Variants in EMC8 observed in about 807,000 individuals in gnomAD.
The protein encoded by EMC8 is COX4 neighbor.
EMC8 carries 11 observed loss-of-function variants against 24.3 expected under a neutral mutation model. That is an observed-to-expected ratio of 0.45 (90% CI 0.28 to 0.75). The LOEUF (loss-of-function observed/expected upper bound fraction) is 0.75. Ranked by LOEUF, EMC8 falls within the 30% of genes least tolerant of loss-of-function variation. The pLI, the probability that EMC8 is intolerant of heterozygous loss-of-function variation, is 0.12. For synonymous variants in EMC8, 145 were observed against 117.7 expected, an observed-to-expected ratio of 1.23 and a Z score of -1.50; for missense variants, 277 against 282.7, an observed-to-expected ratio of 0.98 and a Z score of 0.14.
At chr16:85,793,305 T>C (rs1905094288) in intron 1 of EMC8, among the ~76,000 whole-genome samples, 2 of 152,364 alleles carry the variant, frequency 1.3e-5, no homozygotes, top group South Asian at 4.1e-4. Context: ...GGTAACCTGC[T>C]GAGCCTTCCT....
At chr16:85,786,298 T>A (rs910749573) in intron 2 of EMC8, among the ~76,000 whole-genome samples, 8 of 152,200 alleles carry the variant, frequency 5.3e-5, no homozygotes, top group Non-Finnish European at 1.0e-4. Context: ...ATTTCTAGAA[T>A]AAGAAGAGCA....
intron 2 of EMC8, among the ~76,000 whole-genome samples, chr16:85,787,381 C>A (rs111880076): frequency 6.4e-4 from 98 of 152,356 alleles, no homozygotes; most frequent in African/African-American, 2.3e-3. Flanking sequence ...AAGCCCCCTG[C>A]AGGGGCCGCT....
chr16:85,798,990 TG>T, intron 1 of EMC8, 74 bp downstream of exon 1: 1 of 1,104,942 alleles, frequency 9.1e-7, no homozygotes, highest in Non-Finnish European at 1.3e-6. Flanking sequence ...GGGCGACCGC[TG>T]GGCCAGCTTC....
In EMC8 at chr16:85,781,293, T is replaced by TAGTC. The variant is rs3081701; in HGVS notation, c.309-14_309-13insGACT. On this transcript the variant is annotated splice_polypyrimidine_tract_variant and intron_variant, in intron 2 of 4. Coordinates refer to ENST00000253457, the MANE Select transcript of EMC8 (RefSeq NM_006067.5). ...AACCTGGTTTGGACTGTCAAAGAAATAGGCTACCACATTCCAGTTAATGCC... is the reference window on the plus strand; with the variant it reads ...AACCTGGTTTGGACTGTCAAAGAAATAGTCAGGCTACCACATTCCAGTTAATGCC... 1,582,576 of 1,582,678 alleles carry TAGTC rather than the reference T, an allele frequency of 1. 791,237 individuals are homozygous for TAGTC. The highest frequency in any genetic ancestry group is 1 in the Middle Eastern group (6,002 of 6,002).
chr16:85,780,287 G>A (rs371796285), intron 4 of EMC8, 92 bp downstream of exon 4: 15 of 910,170 alleles, frequency 1.6e-5, no homozygotes, highest in African/African-American at 4.9e-5. Flanking sequence ...TGGAGAAAAC[G>A]CTAACTGAAA....
intron 4 of EMC8, chr16:85,780,088 T>G: frequency 1.7e-6 from 1 of 601,510 alleles, no homozygotes; most frequent in Non-Finnish European, 2.9e-6. Context: ...CTGAGAAAGT[T>G]GGAGGCAGAT....
intron 1 of EMC8, among the ~76,000 whole-genome samples, chr16:85,791,939 G>A (rs1024660700): frequency 1.3e-5 from 2 of 152,230 alleles, no homozygotes; most frequent in Non-Finnish European, 2.9e-5. Context: ...GGATTAGGAT[G>A]TGGACATATT....
At chr16:85,781,458 T>C in intron 2 of EMC8, 178 bp from the exon 3 acceptor site, 1 of 580,968 alleles carries the variant, frequency 1.7e-6, no homozygotes, top group Non-Finnish European at 3.1e-6. Flanking sequence ...AGAGATAGGG[T>C]CTTGCTCTGC....
intron 1 of EMC8, among the ~76,000 whole-genome samples, chr16:85,794,741 A>C (rs1360940434): frequency 1.3e-5 from 2 of 152,090 alleles, no homozygotes; most frequent in Non-Finnish European, 2.9e-5. Flanking sequence ...GCTTGTTTTC[A>C]CTGCTGAAGA....
intron 3 of EMC8, chr16:85,780,964 A>G: frequency 1.8e-6 from 1 of 545,110 alleles, no homozygotes; most frequent in African/African-American, 1.9e-5. Flanking sequence ...TCGCATTTCT[A>G]ACAAGTTCCC....
chr16:85,785,512 T>C (rs1022078107), intron 2 of EMC8, among the ~76,000 whole-genome samples: 13 of 152,118 alleles, frequency 8.5e-5, no homozygotes, highest in African/African-American at 2.9e-4. Flanking sequence ...GGAGGTTGCA[T>C]TGAGGCGAGA....
Position 85,799,095 on chromosome 16 carries a change from G to C in EMC8, c.201C>G (p.Leu67=). 1 of 1,568,086 alleles carries C rather than the reference G, an allele frequency of 6.4e-7. No individual in the cohort carries two copies. The highest frequency in any genetic ancestry group is 8.6e-7 in the Non-Finnish European group (1 of 1,156,574). The change falls in exon 1 of 5, where the codon CTC becomes CTG. Residue 67 remains leucine (L), a synonymous_variant. Coordinates refer to ENST00000253457, the MANE Select transcript of EMC8 (RefSeq NM_006067.5). The surrounding 1 kb of genome is among the most constrained non-coding windows in gnomAD (Gnocchi z 4.2). ...TGAGAGCCACCTCCAGCATGGGGGC[G>C]AGGGCCAGGGTGCCGTGGAAGAGGG... ...CIPLFHGTLA[L]APMLEVALTL...
At chr16:85,791,965 C>G (rs1905031354) in intron 1 of EMC8, among the ~76,000 whole-genome samples, 1 of 152,192 alleles carries the variant, frequency 6.6e-6, no homozygotes, top group African/African-American at 2.4e-5. Flanking sequence ...GGTTATTACT[C>G]AGCTGACCAT....
chr16:85,779,682 C>G lies in EMC8; in HGVS notation c.*26G>C. 6.2e-7 allele frequency: 1 copy of G among 1,610,498 alleles called. No homozygotes were observed. Among genetic ancestry groups the G allele is most frequent in the Non-Finnish European group, 8.5e-7 (1 of 1,176,832 alleles). ...TCTTCTTCAACGTAGTGGAAAGGCC[C>G]GGAGCCCAGTCACAGCGGTGCCTGC... On this transcript the variant is annotated 3_prime_UTR_variant, in exon 5 of 5. Transcript: ENST00000253457.
intron 2 of EMC8, among the ~76,000 whole-genome samples, chr16:85,783,773 G>A (rs1904622210): frequency 6.6e-6 from 1 of 152,094 alleles, no homozygotes; most frequent in Non-Finnish European, 1.5e-5. Context: ...CCTCCTTACT[G>A]AATTGCTTCC....
chr16:85,796,974 G>A (rs57380395), intron 1 of EMC8, among the ~76,000 whole-genome samples: 1 of 152,180 alleles, frequency 6.6e-6, no homozygotes, highest in Non-Finnish European at 1.5e-5. Context: ...TCCTCAGCAC[G>A]GGCCTGGCAC....
intron 1 of EMC8, among the ~76,000 whole-genome samples, chr16:85,797,681 T>C (rs1250441118): frequency 6.6e-6 from 1 of 152,204 alleles, no homozygotes; most frequent in East Asian, 1.9e-4. Context: ...GTGTCATAAT[T>C]AGTTAAGTTA....
chr16:85,793,711 C>G (rs975804930), intron 1 of EMC8, among the ~76,000 whole-genome samples: 5 of 152,196 alleles, frequency 3.3e-5, no homozygotes, highest in Admixed American at 6.5e-5. Context: ...GCCAGCAAGT[C>G]ATCTGCGCAG....
At chr16:85,793,606 G>T (rs551637400) in intron 1 of EMC8, among the ~76,000 whole-genome samples, 10 of 152,308 alleles carry the variant, frequency 6.6e-5, no homozygotes, top group African/African-American at 1.9e-4. Flanking sequence ...GAGAGCTCCA[G>T]GGCAGCCGCC....
Sources: allele counts gnomAD v4.1 joint callset (sites outside exome capture counted in the v4.1 genomes callset), GRCh38; gene constraint gnomAD v4.1.1; non-coding constraint Gnocchi (gnomAD v3.1); transcripts MANE v1.5; gene names NCBI Gene and HGNC (gene_info 2026-07-23, HGNC 2026-07-21).